The following PCYT1A variants were observed in gnomAD, a reference collection of about 807,000 sequenced individuals.
PCYT1A encodes the protein phosphate cytidylyltransferase 1A, choline.
A neutral mutation model predicts 43.7 loss-of-function variants in PCYT1A; 25 were observed. The ratio of observed to expected loss-of-function variants is 0.57; its 90% CI spans 0.42 to 0.80. PCYT1A has a LOEUF of 0.80. Among genes scored for constraint, PCYT1A ranks in the 30% least tolerant of loss-of-function variants. The pLI is 0.00. For missense variants in PCYT1A, 421 were observed against 474.2 expected (o/e 0.89, Z 1.04); for synonymous variants, 172 against 170.7 (o/e 1.01, Z -0.06).
chr3:196,266,050 A>G (rs1379626182), intron 2 of PCYT1A, among the ~76,000 whole-genome samples: 1 of 150,904 alleles, frequency 6.6e-6, no homozygotes, highest in Non-Finnish European at 1.5e-5. Flanking sequence ...GCAAGTGCCC[A>G]TTAAAAAAAA....
intron 1 of PCYT1A, 93 bp from the exon 2 acceptor site, chr3:196,270,634 G>A: frequency 3.6e-6 from 3 of 825,714 alleles, no homozygotes; most frequent in South Asian, 1.3e-5. Flanking sequence ...GATACACTCA[G>A]CAAAATACCA....
At chr3:196,281,871 GTAGAGA>G (rs1376577594) in intron 1 of PCYT1A, among the ~76,000 whole-genome samples, 1 of 152,078 alleles carries the variant, frequency 6.6e-6, no homozygotes, top group African/African-American at 2.4e-5. Context: ...CTAATTTTTT[GTAGAGA>G]TGGGGGTCTC....
rs563944258 is a variant in PCYT1A at position 196,273,050 on chromosome 3, G to A, written c.-10-2509C>T. ...AGCCAGCACAGGGTCCGGCCACTGC[G>A]CACAGCCAGGCACGCCAGCTGCCAG... On this transcript the variant is annotated intron_variant, in intron 1 of 8. Transcript: ENST00000431016. This position sits in a 1 kb window ranked among gnomAD's most constrained non-coding sequence, Gnocchi z 4.1. 1.0e-3 allele frequency among the ~76,000 whole-genome samples: 157 copies of A among 152,328 alleles called. 1 individual carries two copies. In the South Asian group the frequency reaches 0.03, roughly 29 times the overall value.
Position 196,248,216 on chromosome 3 carries a change from T to C in PCYT1A, c.325A>G (p.Ile109Val), listed in dbSNP as rs375791987. 116 of 1,573,450 alleles carry C rather than the reference T, an allele frequency of 7.4e-5. No individual in the cohort carries two copies. The highest frequency in any genetic ancestry group is 9.9e-5 in the Non-Finnish European group (113 of 1,142,898). ...AKNLFPNTYL[I>V]VGVCSDELTH... The stretch of plus-strand genomic sequence containing the variant: ...CCAAATGTTTTCTTACCTCCCACAA[T>C]GAGGTACGTATTAGGGAAAAGGTTC... The change falls in exon 4 of 9, where the codon ATT becomes GTT. Residue 109 changes from isoleucine (I) to valine (V), a missense_variant. Coordinates refer to ENST00000431016, the MANE Select transcript of PCYT1A (RefSeq NM_001312673.2).
At position 196,252,021 on chromosome 3, in the gene PCYT1A, C is replaced by T. The variant is rs1264376708; in HGVS notation, c.218-3698G>A. Among the ~76,000 whole-genome samples, 5 of 151,994 alleles carry T rather than the reference C, an allele frequency of 3.3e-5. No homozygotes were observed. Among genetic ancestry groups the T allele is most frequent in the Non-Finnish European group, 5.9e-5 (4 of 67,952 alleles). The stretch of plus-strand genomic sequence containing the variant: ...ACCTCCCAGGCTCAAATGATCCTCC[C>T]GCCTCAGCCTCCCGAGAAGCTGGGA... On this transcript the variant is annotated intron_variant, in intron 3 of 8. Coordinates refer to ENST00000431016, the MANE Select transcript of PCYT1A (RefSeq NM_001312673.2). The surrounding 1 kb of genome is among the most constrained non-coding windows in gnomAD (Gnocchi z 4.0).
At position 196,239,652 on chromosome 3, in the gene PCYT1A, A is replaced by T. The variant is rs755321658; in HGVS notation, c.792T>A (p.Val264=). 2.4e-5 allele frequency: 39 copies of T among 1,611,308 alleles called. No individual in the cohort carries two copies. The highest frequency in any genetic ancestry group is 1.6e-4 in the Middle Eastern group (1 of 6,080). The part of the protein sequence containing the change: ...KDVEEKSKEF[V]QKVEEKSIDL... Reference sequence around the variant, plus strand: ...CAATGCTTTTTTCCTCCACCTTCTGAACAAATTCTTTTGACTTTTCCTCCA... The same window carrying T: ...CAATGCTTTTTTCCTCCACCTTCTGTACAAATTCTTTTGACTTTTCCTCCA... The change falls in exon 8 of 9, where the codon GTT becomes GTA. Residue 264 remains valine (V), a synonymous_variant. Coordinates refer to ENST00000431016, the MANE Select transcript of PCYT1A (RefSeq NM_001312673.2).
intron 1 of PCYT1A, among the ~76,000 whole-genome samples, chr3:196,279,826 CTTTTTTT>C (rs397723929): frequency 5.1e-4 from 26 of 50,930 alleles, no homozygotes; most frequent in Admixed American, 4.3e-3. Flanking sequence ...CCAGTCCTTT[CTTTTTTT>C]TTTTTTTTTT....
Position 196,237,801 on chromosome 3 carries a change from G to A in PCYT1A, c.*887C>T, listed in dbSNP as rs77591549. On this transcript the variant is annotated 3_prime_UTR_variant, in exon 9 of 9. Coordinates refer to ENST00000431016, the MANE Select transcript of PCYT1A (RefSeq NM_001312673.2). The stretch of plus-strand genomic sequence containing the variant: ...AGGGCCAGGCACTTACTCCCAGTAG[G>A]AAACTAATCTCAATCGACTTGGTAT... 10,498 of 152,226 alleles carry A rather than the reference G, an allele frequency of 0.069. 434 individuals are homozygous for A. The highest frequency in any genetic ancestry group is 0.14 in the Middle Eastern group (40 of 294). 9.4% of individuals were successfully genotyped at this position (152,226 alleles called of 1,614,324 possible).
At chr3:196,271,184 C>A (rs576022264) in intron 1 of PCYT1A, among the ~76,000 whole-genome samples, 1 of 135,618 alleles carries the variant, frequency 7.4e-6, no homozygotes, top group South Asian at 2.3e-4. Context: ...GCCACCACAC[C>A]TAGTTATTTT....
chr3:196,259,265 A>G (rs2108772494), intron 2 of PCYT1A, among the ~76,000 whole-genome samples: 1 of 152,246 alleles, frequency 6.6e-6, no homozygotes, highest in African/African-American at 2.4e-5. Flanking sequence ...TTAACTTGAT[A>G]TAAGTCTATT....
At chr3:196,254,342 T>A (rs1724892580) in intron 3 of PCYT1A, among the ~76,000 whole-genome samples, 1 of 151,718 alleles carries the variant, frequency 6.6e-6, no homozygotes, top group South Asian at 2.1e-4. Context: ...TATATTTTTT[T>A]AATTTTTATT....
At chr3:196,272,743 T>G (rs115813196) in intron 1 of PCYT1A, among the ~76,000 whole-genome samples, 28 of 152,232 alleles carry the variant, frequency 1.8e-4, no homozygotes, top group African/African-American at 6.5e-4. Context: ...AAGGAACTTA[T>G]TTATTATTGT....
At chr3:196,243,035 A>C (rs1398998996) in intron 5 of PCYT1A, 1 of 204,596 alleles carries the variant, frequency 4.9e-6, no homozygotes, top group Non-Finnish European at 1.0e-5. Context: ...GGTTTCTAAA[A>C]GTATGAGAAA....
At chr3:196,283,808 A>C (rs1459785989) in intron 1 of PCYT1A, among the ~76,000 whole-genome samples, 2 of 152,214 alleles carry the variant, frequency 1.3e-5, no homozygotes, top group Non-Finnish European at 2.9e-5. Context: ...GAGGGTTGAC[A>C]AGGCCTAAAG....
intron 4 of PCYT1A, 198 bp downstream of exon 4, chr3:196,248,009 T>C (rs1577358384): frequency 1.7e-6 from 1 of 583,328 alleles, no homozygotes; most frequent in East Asian, 2.8e-5. Flanking sequence ...AAATGCCAGA[T>C]GGCACAGTCG....
chr3:196,264,502 T>TTGAA (rs1725209734), intron 2 of PCYT1A, among the ~76,000 whole-genome samples: 1 of 152,246 alleles, frequency 6.6e-6, no homozygotes, highest in African/African-American at 2.4e-5. Context: ...TGTTCATTTC[T>TTGAA]TGAATTCCTT....
intron 5 of PCYT1A, among the ~76,000 whole-genome samples, chr3:196,244,521 G>A (rs1270826472): frequency 3.3e-5 from 5 of 151,060 alleles, no homozygotes; most frequent in South Asian, 4.2e-4. Context: ...GGTGAGGGGC[G>A]CCTCTGCCCG....
At chr3:196,258,618 A>T (rs1229584203) in intron 2 of PCYT1A, among the ~76,000 whole-genome samples, 1 of 149,038 alleles carries the variant, frequency 6.7e-6, no homozygotes, top group East Asian at 2.0e-4. Context: ...GAGAGGGTCC[A>T]GCTCTGTTGC....
chr3:196,260,044 TCCCAACTAGCTGGGATTGCAGGCATG>T (rs1364128702), intron 2 of PCYT1A, among the ~76,000 whole-genome samples: 2 of 140,968 alleles, frequency 1.4e-5, no homozygotes, highest in Non-Finnish European at 3.0e-5. Flanking sequence ...TGCCTCAGCC[TCCCAACTAGCTGGGATTGCAGGCATG>T]CACCACCACA....
Sources: allele counts gnomAD v4.1 joint callset (sites outside exome capture counted in the v4.1 genomes callset), GRCh38; gene constraint gnomAD v4.1.1; non-coding constraint Gnocchi (gnomAD v3.1); transcripts MANE v1.5; gene names NCBI Gene and HGNC (gene_info 2026-07-23, HGNC 2026-07-21).